Variants in MSLN observed in about 807,000 individuals in gnomAD.
MSLN encodes mesothelin, also known as CAK1 antigen.
A neutral mutation model predicts 72.6 loss-of-function variants in MSLN; 82 were observed. The observed-to-expected ratio is 1.13, with a 90% CI of 0.94 to 1.36. The LOEUF (loss-of-function observed/expected upper bound fraction) is 1.36, where lower values mean the gene tolerates loss of function less well. Among genes scored for constraint, MSLN ranks in the 40% most tolerant of loss-of-function variants. The pLI is 0.00. For missense variants in MSLN, 1,005 were observed against 847.9 expected (o/e 1.19, Z -2.30); for synonymous variants, 456 against 387.3 (o/e 1.18, Z -2.08).
intron 6 of MSLN, 104 bp from the exon 7 acceptor site, chr16:764,543 C>A: frequency 1.0e-6 from 1 of 983,390 alleles, no homozygotes; most frequent in Non-Finnish European, 1.6e-6. Flanking sequence ...ATTCTCGTGG[C>A]CAGGGCAGGG....
At chr16:761,487 A>G (rs1051111440) in intron 2 of MSLN, among the ~76,000 whole-genome samples, 4 of 152,162 alleles carry the variant, frequency 2.6e-5, no homozygotes, top group Non-Finnish European at 5.9e-5. Context: ...GGGAGCCCCC[A>G]TCCCAGGTGC....
chr16:765,929 G>A (rs1003339225), intron 11 of MSLN, 130 bp from the exon 12 acceptor site: 1 of 1,325,478 alleles, frequency 7.5e-7, no homozygotes, highest in Non-Finnish European at 1.0e-6. Flanking sequence ...CAGAATCCCT[G>A]TTTGCCAGTG....
In MSLN at chr16:768,829, C is replaced by T. The variant is rs771529353; in HGVS notation, c.*96C>T. 9.7e-6 allele frequency: 12 copies of T among 1,234,336 alleles called. 1 individual carries two copies. The highest frequency in any genetic ancestry group is 3.7e-5 in the Admixed American group (2 of 54,228). The allele number at this position is 1,234,336 out of a possible 1,614,324, so 76.5% of individuals were successfully genotyped here. On this transcript the variant is annotated 3_prime_UTR_variant, in exon 18 of 18. Coordinates refer to ENST00000545450, the MANE Select transcript of MSLN (RefSeq NM_005823.6). Reference sequence around the variant, plus strand: ...CCCCGTTCCACCCCAAGAGAACTCGCGCTCAGTAAACGGGAACATGCCCCC... The same window carrying T: ...CCCCGTTCCACCCCAAGAGAACTCGTGCTCAGTAAACGGGAACATGCCCCC...
chr16:761,597 G>A (rs1038830486), intron 2 of MSLN, among the ~76,000 whole-genome samples: 1 of 151,572 alleles, frequency 6.6e-6, no homozygotes, highest in Non-Finnish European at 1.5e-5. Flanking sequence ...CCCAAGGGCT[G>A]GGGGTCCCAC....
At chr16:768,014 A>AGGGGGCCGTG (rs2041659411) in intron 16 of MSLN, among the ~76,000 whole-genome samples, 1 of 23,320 alleles carries the variant, frequency 4.3e-5, no homozygotes, top group Admixed American at 4.6e-4. Flanking sequence ...GGAGGGGCGC[A>AGGGGGCCGTG]TGGGGGGGTG....
intron 9 of MSLN, 40 bp downstream of exon 9, chr16:765,343 G>A (rs377088236): frequency 1.4e-5 from 21 of 1,508,700 alleles, no homozygotes; most frequent in Admixed American, 8.3e-5. Context: ...CTCACCTGGC[G>A]GCGTGGTATC....
At position 764,003 on chromosome 16, in the gene MSLN, C is replaced by T; in HGVS notation, c.180-20C>T. ...CAGGGGAGGGGCGATCGTGGGTGCC[C>T]AGCCCGACCCTTCCTGCAGCCTCTC... On this transcript the variant is annotated intron_variant, in intron 5 of 17. Transcript: ENST00000545450. 6.3e-7 allele frequency: 1 copy of T among 1,595,152 alleles called. No homozygotes were observed. Among genetic ancestry groups the T allele is most frequent in the Admixed American group, 1.7e-5 (1 of 59,638 alleles).
chr16:766,248 A>G lies in MSLN; in HGVS notation c.1074+11A>G, dbSNP rs757074531. Reference sequence around the variant, plus strand: ...CATAAACTGGATGAGGTAGTTCATGACTCAAGTTCCCACCGGCCTGCTGTG... The same window carrying G: ...CATAAACTGGATGAGGTAGTTCATGGCTCAAGTTCCCACCGGCCTGCTGTG... On this transcript the variant is annotated intron_variant, in intron 12 of 17. Coordinates refer to ENST00000545450, the MANE Select transcript of MSLN (RefSeq NM_005823.6). 1.0e-5 allele frequency: 16 copies of G among 1,607,660 alleles called. No individual in the cohort carries two copies. The Admixed American group carries it at 1.7e-4, about 17-fold the overall frequency.
chr16:763,234 A>G lies in MSLN; in HGVS notation c.87A>G (p.Gly29=). ...GSLLFLLFSL[G]WVQPSRTLAG... The stretch of plus-strand genomic sequence containing the variant: ...AAGCTGTCCCCTCTGCCCCTTTAGG[A>G]TGGGTGCAGCCCTCGAGGACCCTGG... The change falls in exon 4 of 18, where the codon GGA becomes GGG. Residue 29 remains glycine (G), a splice_region_variant and synonymous_variant. Transcript: ENST00000545450. 1.3e-6 allele frequency: 2 copies of G among 1,535,782 alleles called. No homozygotes were observed. The highest frequency in any genetic ancestry group is 8.8e-7 in the Non-Finnish European group (1 of 1,141,444).
chr16:762,831 A>AAGGCCCCTGG, intron 3 of MSLN, 66 bp downstream of exon 3: 1 of 1,362,816 alleles, frequency 7.3e-7, no homozygotes, highest in Non-Finnish European at 1.0e-6. Flanking sequence ...CCAGGCCCCC[A>AAGGCCCCTGG]GCAAGGCTTT....
At chr16:763,965 TG>T in intron 5 of MSLN, 57 bp from the exon 6 acceptor site, 3 of 1,585,254 alleles carry the variant, frequency 1.9e-6, no homozygotes, top group Non-Finnish European at 2.6e-6. Context: ...TGGGGAGCAC[TG>T]GGTGGACATT....
At chr16:763,143 G>A in intron 3 of MSLN, 90 bp from the exon 4 acceptor site, 2 of 826,254 alleles carry the variant, frequency 2.4e-6, no homozygotes, top group African/African-American at 1.7e-5. Context: ...GGCTGTGGGG[G>A]CGGCCAGGCT....
intron 3 of MSLN, 83 bp downstream of exon 3, chr16:762,848 C>G: frequency 8.5e-7 from 1 of 1,181,076 alleles, no homozygotes; most frequent in South Asian, 1.5e-5. Flanking sequence ...CTTTGCCTGC[C>G]CCTGCCTTCT....
In MSLN at chr16:765,017, C is replaced by T. The variant is rs2151615363; in HGVS notation, c.491C>T (p.Pro164Leu). The part of the protein sequence containing the change: ...RGAPERQRLL[P>L]AALACWGVRG... The stretch of plus-strand genomic sequence containing the variant: ...GCTCCCGAGCGACAGCGGCTGCTGC[C>T]TGCGGCTCTGGCCTGCTGGGTAGGG... Residue 164 changes from proline (P) to leucine (L), a missense_variant, in exon 8 of 18, where the codon CCT (proline) becomes CTT (leucine). Transcript: ENST00000545450. 2 of 1,611,754 alleles carry T rather than the reference C, an allele frequency of 1.2e-6. No individual in the cohort carries two copies. Among genetic ancestry groups the T allele is most frequent in the African/African-American group, 2.7e-5 (2 of 75,062 alleles).
Position 761,724 on chromosome 16 carries a change from C to T in MSLN, c.-10+550C>T, listed in dbSNP as rs1036992725. On this transcript the variant is annotated intron_variant, in intron 2 of 17. Coordinates refer to ENST00000545450, the MANE Select transcript of MSLN (RefSeq NM_005823.6). ...GGCCTGGGGGAGTAGAGTCTGTCAC[C>T]CGGAGGCTGTGTGCCTCCCCGCGAC... is the stretch of plus-strand genomic sequence containing the variant. Among the ~76,000 whole-genome samples the T allele has an allele frequency of 2.4e-4, 36 of 152,320 alleles. 1 individual carries two copies. Among genetic ancestry groups the T allele is most frequent in the African/African-American group, 8.2e-4 (34 of 41,586 alleles).
Position 762,750 on chromosome 16 carries a change from C to T in MSLN, c.70C>T (p.Leu24=), listed in dbSNP as rs1367130820. 1 of 1,596,744 alleles carries T rather than the reference C, an allele frequency of 6.3e-7. No homozygotes were observed. Among genetic ancestry groups the T allele is most frequent in the African/African-American group, 1.3e-5 (1 of 74,422 alleles). The change falls in exon 3 of 18, where the codon CTG becomes TTG. Residue 24 remains leucine, a synonymous_variant. Coordinates refer to ENST00000545450, the MANE Select transcript of MSLN (RefSeq NM_005823.6). ...GTPALGSLLF[L]LFSLGWVQPS... is the part of the protein sequence containing the mutation. ...CCCCGCCCTCGGCAGCCTCCTGTTC[C>T]TGCTCTTCAGCCTCGGTGCGTACTT...
intron 4 of MSLN, 146 bp downstream of exon 4, chr16:763,422 G>T: frequency 1.1e-6 from 1 of 873,814 alleles, no homozygotes; most frequent in Non-Finnish European, 1.8e-6. Flanking sequence ...GCATGTGACT[G>T]GCCTGGGAGC....
At chr16:761,854 C>T (rs940261383) in intron 2 of MSLN, among the ~76,000 whole-genome samples, 3 of 152,240 alleles carry the variant, frequency 2.0e-5, no homozygotes, top group African/African-American at 7.2e-5. Flanking sequence ...CCCACCGGGC[C>T]TGGGCCAAGG....
chr16:764,913 T>G lies in MSLN; in HGVS notation c.387T>G (p.Asp129Glu). Residue 129 changes from aspartate to glutamate, a missense_variant, in exon 8 of 18, where the codon GAT (aspartate) becomes GAG (glutamate). Physicochemically the swap from Asp to Glu is conservative, Grantham distance 45 (BLOSUM62 2). Transcript: ENST00000545450. ...CAGCACCCTCTCTTCACAGCCCAGA[T>G]GCGTTCTCGGGGCCCCAGGCCTGCA... ...PLDLLLFLNP[D>E]AFSGPQACTR... The G allele has an allele frequency of 2.5e-6, 4 of 1,611,784 alleles. No homozygotes were observed. The highest frequency in any genetic ancestry group is 3.4e-6 in the Non-Finnish European group (4 of 1,179,494).
Sources: allele counts gnomAD v4.1 joint callset (sites outside exome capture counted in the v4.1 genomes callset), GRCh38; gene constraint gnomAD v4.1.1; transcripts MANE v1.5; gene names NCBI Gene and HGNC (gene_info 2026-07-23, HGNC 2026-07-21).